The following CAPN3 variants were observed in gnomAD, a reference collection of about 807,000 sequenced individuals.
CAPN3 encodes the protein calpain-3.
A neutral mutation model predicts 114.0 loss-of-function variants in CAPN3; 88 were observed. The ratio of observed to expected loss-of-function variants is 0.77; its 90% CI spans 0.65 to 0.92. The LOEUF is 0.92. Among genes scored for constraint, CAPN3 ranks in the 40% least tolerant of loss-of-function variants. The probability of loss-of-function intolerance (pLI) is 0.00; values close to 1 mark genes in which losing one functional copy is unlikely to be tolerated. For synonymous variants in CAPN3, 386 were observed against 382.9 expected, an observed-to-expected ratio of 1.01 and a Z score of -0.09; for missense variants, 1,028 against 1,069.0, an observed-to-expected ratio of 0.96 and a Z score of 0.53.
Position 42,409,981 on chromosome 15 carries a change from A to G in CAPN3, c.2101A>G (p.Ile701Val). The G allele has an allele frequency of 6.2e-7, 1 of 1,611,992 alleles. No homozygotes were observed. The highest frequency in any genetic ancestry group is 8.5e-7 in the Non-Finnish European group (1 of 1,179,834). ...CACACTGGAGTCCTGCCGTAGCATG[A>G]TTGCGCTCATGGATGTATCCTTCCT... is the stretch of plus-strand genomic sequence containing the variant. ...GFTLESCRSM[I>V]ALMDTDGSGK... is the part of the protein sequence containing the mutation. Residue 701 changes from isoleucine to valine, a missense_variant, in exon 19 of 24, where the codon ATT (isoleucine) becomes GTT (valine). Transcript: ENST00000397163.
Position 42,366,828 on chromosome 15 carries a change from C to CTTTTTTTTT in CAPN3, c.309+6717_309+6725dup, listed in dbSNP as rs545010219. 9.4e-5 allele frequency among the ~76,000 whole-genome samples: 12 copies of CTTTTTTTTT among 127,852 alleles called. 1 individual carries two copies. Among genetic ancestry groups the CTTTTTTTTT allele is most frequent in the African/African-American group, 2.1e-4 (6 of 29,158 alleles). The allele number at this position is 127,852 out of a possible 152,430, so 83.9% of individuals were successfully genotyped here. On this transcript the variant is annotated intron_variant, in intron 1 of 23. Coordinates refer to ENST00000397163, the MANE Select transcript of CAPN3 (RefSeq NM_000070.3). ...CGACCCTCACAGAATTCTTTTTTTT[C>CTTTTTTTTT]TTTTTTTTTTTCTTTTTTTTTTTGA... is the stretch of plus-strand genomic sequence containing the variant.
chr15:42,392,095 G>A (rs2141175164), intron 6 of CAPN3, among the ~76,000 whole-genome samples: 1 of 152,240 alleles, frequency 6.6e-6, no homozygotes, highest in South Asian at 2.1e-4. Flanking sequence ...AACACGGGAG[G>A]CAGAGGTTGC....
intron 1 of CAPN3, among the ~76,000 whole-genome samples, chr15:42,374,785 A>G (rs1358910878): frequency 6.9e-6 from 1 of 145,872 alleles, no homozygotes; most frequent in African/African-American, 2.5e-5. Flanking sequence ...GTAATCGAAT[A>G]TCATGTCTCT....
chr15:42,396,483 G>C (rs1337560906), intron 8 of CAPN3, among the ~76,000 whole-genome samples: 1 of 151,990 alleles, frequency 6.6e-6, no homozygotes, highest in Non-Finnish European at 1.5e-5. Context: ...CTTGTGATCC[G>C]CCCACCTCGG....
chr15:42,388,238 C>T (rs1023876070), intron 4 of CAPN3, among the ~76,000 whole-genome samples: 1 of 152,186 alleles, frequency 6.6e-6, no homozygotes. Flanking sequence ...ACCTCATGTG[C>T]TTATAGCAGA....
At chr15:42,372,694 A>G (rs764884937) in intron 1 of CAPN3, among the ~76,000 whole-genome samples, 151 of 152,068 alleles carry the variant, frequency 9.9e-4, no homozygotes, top group Non-Finnish European at 1.7e-3. Flanking sequence ...CTAAAAATAC[A>G]AAAATTAGCC....
intron 1 of CAPN3, among the ~76,000 whole-genome samples, chr15:42,373,462 A>G (rs768529862): frequency 6.6e-6 from 1 of 152,224 alleles, no homozygotes; most frequent in Non-Finnish European, 1.5e-5. Context: ...CCTAGCGGGC[A>G]AGCTGCCAGG....
chr15:42,392,609 C>T lies in CAPN3; in HGVS notation c.946-30C>T, dbSNP rs771195177. 5 of 1,577,216 alleles carry T rather than the reference C, an allele frequency of 3.2e-6. No homozygotes were observed. The South Asian group carries it at 4.4e-5, about 14-fold the overall frequency. ...CAGCAGAACTTCTGTTCCCCCGCCC[C>T]TAATGGGTTCTCTGGTTACTGCTCT... On this transcript the variant is annotated intron_variant, in intron 6 of 23. Coordinates refer to ENST00000397163, the MANE Select transcript of CAPN3 (RefSeq NM_000070.3).
At chr15:42,374,089 C>G (rs987048148) in intron 1 of CAPN3, 2 of 152,590 alleles carry the variant, frequency 1.3e-5, no homozygotes, top group African/African-American at 4.8e-5. Context: ...CCCTGGCTCC[C>G]TCTCACAGAG....
rs1218735599 is a variant in CAPN3 at position 42,384,528 on chromosome 15, A to G, written c.355A>G (p.Thr119Ala). Residue 119 changes from threonine (T) to alanine (A), a missense_variant, in exon 2 of 24, where the codon ACT (threonine) becomes GCT (alanine). Transcript: ENST00000397163. ...PRFIIDGANR[T>A]DICQGELGDC... ...ATTTATCATTGATGGAGCCAACAGAACTGACATCTGTCAAGGAGAGCTAGG... is the reference window on the plus strand; with the variant it reads ...ATTTATCATTGATGGAGCCAACAGAGCTGACATCTGTCAAGGAGAGCTAGG... 6.2e-7 allele frequency: 1 copy of G among 1,613,990 alleles called. No individual in the cohort carries two copies. The highest frequency in any genetic ancestry group is 2.2e-5 in the East Asian group (1 of 44,880).
chr15:42,380,751 A>ATATTTTTTTTTT (rs1436943739), intron 1 of CAPN3, among the ~76,000 whole-genome samples: 1 of 64,484 alleles, frequency 1.6e-5, no homozygotes. Context: ...ATATATATAT[A>ATATTTTTTTTTT]TTTTTTTTTT....
intron 6 of CAPN3, 131 bp from the exon 7 acceptor site, chr15:42,392,508 C>A: frequency 4.1e-6 from 3 of 724,036 alleles, no homozygotes. Context: ...GGTCGTGAGG[C>A]ACACTTTCAG....
chr15:42,404,849 G>C lies in CAPN3; in HGVS notation c.1782+1072G>C, dbSNP rs2053974373. 1 of 1,074,064 alleles carries C rather than the reference G, an allele frequency of 9.3e-7. No homozygotes were observed. Among genetic ancestry groups the C allele is most frequent in the Non-Finnish European group, 1.1e-6 (1 of 883,046 alleles). The allele number at this position is 1,074,064 out of a possible 1,614,324, so 66.5% of individuals were successfully genotyped here. ...GAATGACCACAGGCGATTGGTTTTAGTGGTAGGTGTGTGGGGATCTGTTCT... is the reference window on the plus strand; with the variant it reads ...GAATGACCACAGGCGATTGGTTTTACTGGTAGGTGTGTGGGGATCTGTTCT... On this transcript the variant is annotated intron_variant, in intron 14 of 23. Coordinates refer to ENST00000397163, the MANE Select transcript of CAPN3 (RefSeq NM_000070.3).
Position 42,404,461 on chromosome 15 carries a change from C to CT in CAPN3, c.1782+685dup, listed in dbSNP as rs563538446. On this transcript the variant is annotated intron_variant, in intron 14 of 23. Transcript: ENST00000397163. Reference sequence around the variant, plus strand: ...TGGTGTTCAAGAAAGGAAGCAGAGGCTCAATGGGGTTGAATGACTTCTCTG... The same window carrying CT: ...TGGTGTTCAAGAAAGGAAGCAGAGGCTTCAATGGGGTTGAATGACTTCTCTG... 275 of 456,594 alleles carry CT rather than the reference C, an allele frequency of 6.0e-4. 1 individual carries two copies. The highest frequency in any genetic ancestry group is 1.1e-3 in the Non-Finnish European group (245 of 226,910). 28.3% of individuals were successfully genotyped at this position (456,594 alleles called of 1,614,324 possible).
At chr15:42,402,439 A>AG (rs1275281067) in intron 12 of CAPN3, 14 of 1,431,272 alleles carry the variant, frequency 9.8e-6, no homozygotes, top group Admixed American at 2.8e-5. Flanking sequence ...ACGCGTTCTG[A>AG]GGGTGGCTGC....
chr15:42,367,645 G>A (rs1196520420), intron 1 of CAPN3, among the ~76,000 whole-genome samples: 1 of 152,290 alleles, frequency 6.6e-6, no homozygotes, highest in East Asian at 1.9e-4. Context: ...AAAGAGAAAA[G>A]GATGGCTCCA....
intron 1 of CAPN3, 77 bp from the exon 2 acceptor site, chr15:42,384,406 G>A (rs981120833): frequency 3.0e-5 from 33 of 1,083,862 alleles, no homozygotes; most frequent in Middle Eastern, 2.2e-4. Context: ...GTGAGACTCC[G>A]TCTCAAAAAA....
chr15:42,398,574 ACT>A (rs1170067861), intron 9 of CAPN3, among the ~76,000 whole-genome samples: 3 of 146,394 alleles, frequency 2.0e-5, no homozygotes, highest in Non-Finnish European at 4.5e-5. Flanking sequence ...ACAGAGCGAG[ACT>A]CTGTCTCAAA....
At chr15:42,396,935 C>A (rs2053711568) in intron 9 of CAPN3, 58 bp downstream of exon 9, 1 of 1,212,914 alleles carries the variant, frequency 8.2e-7, no homozygotes, top group Non-Finnish European at 1.2e-6. Flanking sequence ...GAGGGGAAAT[C>A]TCAGACCTCA....
Sources: allele counts gnomAD v4.1 joint callset (sites outside exome capture counted in the v4.1 genomes callset), GRCh38; gene constraint gnomAD v4.1.1; transcripts MANE v1.5; gene names NCBI Gene and HGNC (gene_info 2026-07-23, HGNC 2026-07-21).